The following SLC6A17 variants were observed in gnomAD, a reference collection of about 807,000 sequenced individuals.
SLC6A17 encodes solute carrier family 6 member 17.
Under a neutral mutation model 64.5 loss-of-function variants are expected in SLC6A17, and 21 were observed. That is an observed-to-expected ratio of 0.33 (90% confidence interval 0.23 to 0.47). SLC6A17 has a LOEUF of 0.47. SLC6A17 is among the 20% of genes least tolerant of loss of function. SLC6A17 has a pLI of 1.00. For synonymous variants in SLC6A17, 372 were observed against 399.5 expected (o/e 0.93, Z 0.82); for missense variants, 682 against 963.2 (o/e 0.71, Z 3.86).
intron 2 of SLC6A17, among the ~76,000 whole-genome samples, chr1:110,170,502 C>T (rs563103099): frequency 1.9e-4 from 29 of 152,210 alleles, no homozygotes; most frequent in South Asian, 8.3e-4. Flanking sequence ...AACAAAAAAC[C>T]GGTGAGGCTG....
At chr1:110,173,893 GT>G in intron 3 of SLC6A17, 79 bp from the exon 4 acceptor site, 6 of 1,558,096 alleles carry the variant, frequency 3.9e-6, no homozygotes, top group South Asian at 2.4e-5. Context: ...CGCTGCCGAC[GT>G]GCTGGGCCTC....
intron 1 of SLC6A17, among the ~76,000 whole-genome samples, chr1:110,162,861 G>A (rs1382795749): frequency 6.6e-6 from 1 of 151,916 alleles, no homozygotes; most frequent in African/African-American, 2.4e-5. Context: ...TCACAGTATG[G>A]TGAGGTGGGC....
rs376689031 is a variant in SLC6A17, at chr1:110,178,305, A to T, written c.864+1566A>T. On this transcript the variant is annotated intron_variant, in intron 6 of 11. Transcript: ENST00000331565. ...CTCAATGTTGTTAAGGGCCCCCTGT[A>T]TGTAACTCTAGGAGCAAGAGGAACA... Among the ~76,000 whole-genome samples, 229 of 152,282 alleles carry T rather than the reference A, an allele frequency of 1.5e-3. 2 individuals carry two copies. The highest frequency in any genetic ancestry group is 2.7e-3 in the Non-Finnish European group (187 of 68,034).
At chr1:110,159,289 G>T (rs12026565) in intron 1 of SLC6A17, among the ~76,000 whole-genome samples, 2 of 152,244 alleles carry the variant, frequency 1.3e-5, no homozygotes, top group African/African-American at 4.8e-5. Context: ...GCTTTCTGGG[G>T]CTGCCCTTGT....
rs1343562163 is a variant in SLC6A17 at position 110,199,951 on chromosome 1, A to AGATG, written c.*1522_*1525dup. 9.5e-5 allele frequency: 31 copies of AGATG among 326,086 alleles called. No individual in the cohort carries two copies. The highest frequency in any genetic ancestry group is 5.8e-4 in the East Asian group (13 of 22,418). 20.2% of individuals were successfully genotyped at this position (326,086 alleles called of 1,614,324 possible). ...GGTTGGGGGGTGGGGGTGGATGGAT[A>AGATG]GATGGATGGATGGATGGACGGATGG... On this transcript the variant is annotated 3_prime_UTR_variant, in exon 12 of 12. Transcript: ENST00000331565.
intron 1 of SLC6A17, among the ~76,000 whole-genome samples, chr1:110,159,293 C>A (rs548968991): frequency 1.3e-5 from 2 of 152,294 alleles, no homozygotes; most frequent in East Asian, 3.9e-4. Context: ...TCTGGGGCTG[C>A]CCTTGTTTAC....
intron 6 of SLC6A17, among the ~76,000 whole-genome samples, chr1:110,184,844 CA>C (rs1252168752): frequency 2.6e-5 from 4 of 152,126 alleles, no homozygotes; most frequent in African/African-American, 9.7e-5. Context: ...TAAAATATCA[CA>C]GGGGGGTACA....
intron 1 of SLC6A17, among the ~76,000 whole-genome samples, chr1:110,155,781 A>G (rs962124640): frequency 2.0e-5 from 3 of 152,026 alleles, no homozygotes; most frequent in African/African-American, 7.2e-5. Flanking sequence ...ACCACCTTCT[A>G]TTTTGCTTGC....
chr1:110,181,123 C>T (rs954405821), intron 6 of SLC6A17, among the ~76,000 whole-genome samples: 1 of 152,162 alleles, frequency 6.6e-6, no homozygotes, highest in East Asian at 1.9e-4. Flanking sequence ...CAGCTTTTCT[C>T]CTGATTACTT....
intron 6 of SLC6A17, among the ~76,000 whole-genome samples, chr1:110,187,123 A>AAAATAC (rs1553206859): frequency 6.6e-6 from 1 of 151,650 alleles, no homozygotes; most frequent in East Asian, 1.9e-4. Context: ...TCTTGTTAAA[A>AAAATAC]AAAAACAAAA....
chr1:110,169,691 A>G (rs1656165852), intron 2 of SLC6A17, among the ~76,000 whole-genome samples: 1 of 152,208 alleles, frequency 6.6e-6, no homozygotes, highest in East Asian at 1.9e-4. Context: ...TAAATCTCCT[A>G]ACATCCTGAA....
intron 6 of SLC6A17, among the ~76,000 whole-genome samples, chr1:110,177,427 G>A (rs958108201): frequency 2.5e-4 from 38 of 152,164 alleles, no homozygotes; most frequent in African/African-American, 7.2e-4. Flanking sequence ...GTATACCCAG[G>A]TTCCCTAAAG....
chr1:110,180,779 A>G (rs1057415694), intron 6 of SLC6A17, among the ~76,000 whole-genome samples: 1 of 152,098 alleles, frequency 6.6e-6, no homozygotes, highest in Non-Finnish European at 1.5e-5. Flanking sequence ...CATATAGACT[A>G]TAATATAAAT....
chr1:110,199,842 T>C lies in SLC6A17; in HGVS notation c.*1398T>C. The C allele has an allele frequency of 5.6e-6, 2 of 360,184 alleles. No individual in the cohort carries two copies. Among genetic ancestry groups the C allele is most frequent in the Non-Finnish European group, 9.7e-6 (2 of 206,440 alleles). 22.3% of individuals were successfully genotyped at this position (360,184 alleles called of 1,614,324 possible). A position where few individuals can be genotyped will look rare whatever the true frequency, so the allele number is the denominator to read the frequency against. The stretch of plus-strand genomic sequence containing the variant: ...CCAAGAGTAAATGTCTGCAGAGAGA[T>C]GGATGGATGGATGGATAGATGGATG... On this transcript the variant is annotated 3_prime_UTR_variant, in exon 12 of 12. Coordinates refer to ENST00000331565, the MANE Select transcript of SLC6A17 (RefSeq NM_001010898.4).
At chr1:110,183,670 G>T (rs528957169) in intron 6 of SLC6A17, among the ~76,000 whole-genome samples, 4 of 152,324 alleles carry the variant, frequency 2.6e-5, no homozygotes, top group South Asian at 4.1e-4. Flanking sequence ...GGGAGAGACT[G>T]CAGTGCTCAG....
chr1:110,161,975 T>G (rs1055216188), intron 1 of SLC6A17, among the ~76,000 whole-genome samples: 3 of 152,248 alleles, frequency 2.0e-5, no homozygotes, highest in Non-Finnish European at 4.4e-5. Context: ...GATTCGCAGT[T>G]CACTTGCTCC....
chr1:110,197,450 C>G lies in SLC6A17; in HGVS notation c.1666C>G (p.Leu556Val), dbSNP rs760289988. 10 of 1,611,960 alleles carry G rather than the reference C, an allele frequency of 6.2e-6. No homozygotes were observed. Among genetic ancestry groups the G allele is most frequent in the Non-Finnish European group, 7.6e-6 (9 of 1,179,284 alleles). The change falls in exon 11 of 12, where the codon CTG becomes GTG. Residue 556 changes from leucine (L) to valine (V), a missense_variant. Physicochemically the swap from Leu to Val is conservative, Grantham distance 32. Around this residue, in one of 3 missense-constraint regions of SLC6A17, gnomAD observed 264 missense variants for 339.5 expected, o/e 0.78. Transcript: ENST00000331565. ...IYGTKKFMQELTEMLGFRPYR... is the reference protein window; with the variant it reads ...IYGTKKFMQEVTEMLGFRPYR... ...TATGCCTGGCAGGTTCATGCAGGAG[C>G]TGACGGAGATGCTGGGCTTCCGCCC...
At chr1:110,191,852 C>G in intron 6 of SLC6A17, 120 bp from the exon 7 acceptor site, 2 of 1,488,016 alleles carry the variant, frequency 1.3e-6, no homozygotes, top group Non-Finnish European at 1.8e-6. Flanking sequence ...CACACAGCTT[C>G]TTACCACTAT....
chr1:110,168,091 T>A (rs1656115569), intron 2 of SLC6A17: 1 of 152,070 alleles, frequency 6.6e-6, no homozygotes, highest in Non-Finnish European at 1.5e-5. Context: ...AGAGATCAAC[T>A]AACTAAAAAT....
Sources: allele counts gnomAD v4.1 joint callset (sites outside exome capture counted in the v4.1 genomes callset), GRCh38; gene constraint gnomAD v4.1.1; regional missense constraint gnomAD v4.1.1; transcripts MANE v1.5; gene names NCBI Gene and HGNC (gene_info 2026-07-23, HGNC 2026-07-21).